The following TENM2 variants were observed in gnomAD, a reference collection of about 807,000 sequenced individuals.
TENM2 encodes teneurin-2.
In TENM2, 52 loss-of-function variants were observed where a neutral mutation model predicts 245.2. The ratio of observed to expected loss-of-function variants is 0.21; its 90% CI spans 0.17 to 0.27. The LOEUF (loss-of-function observed/expected upper bound fraction) is 0.27, where lower values mean the gene tolerates loss of function less well. TENM2 is among the 10% of genes least tolerant of loss of function. TENM2 has a pLI of 1.00. For missense variants in TENM2, 3,046 were observed against 3,666.8 expected (o/e 0.83, Z 4.37); for synonymous variants, 1,363 against 1,438.9 (o/e 0.95, Z 1.19).
At chr5:167,045,436 C>T in the TENM2 span, among the ~76,000 whole-genome samples, 1 of 152,078 alleles carries the variant, frequency 6.6e-6, no homozygotes, top group African/African-American at 2.4e-5. Context: ...GCTGAAGGGC[C>T]CTTCCATTCC....
At chr5:167,033,273 A>G in the TENM2 span, among the ~76,000 whole-genome samples, 2 of 152,226 alleles carry the variant, frequency 1.3e-5, no homozygotes, top group Non-Finnish European at 2.9e-5. Context: ...TCACTTCGTA[A>G]AACAATGCGA....
chr5:167,421,155 A>C (rs1164948428), intron 2 of TENM2, among the ~76,000 whole-genome samples: 1 of 152,212 alleles, frequency 6.6e-6, no homozygotes, highest in Non-Finnish European at 1.5e-5. Flanking sequence ...TAATTAACTA[A>C]CCTCATATGG....
intron 13 of TENM2, chr5:168,186,845 A>C (rs1760488022): frequency 6.6e-6 from 1 of 152,208 alleles, no homozygotes; most frequent in African/African-American, 2.4e-5. Flanking sequence ...CAAGATTGTC[A>C]GTGACAGGGT....
intron 2 of TENM2, among the ~76,000 whole-genome samples, chr5:167,383,848 C>T (rs1761253588): frequency 6.6e-6 from 1 of 151,024 alleles, no homozygotes; most frequent in Non-Finnish European, 1.5e-5. Context: ...TATGTATATA[C>T]ACACATACAC....
intron 1 of TENM2, among the ~76,000 whole-genome samples, chr5:167,358,462 CT>C (rs1363978756): frequency 1.8e-4 from 6 of 33,582 alleles, no homozygotes; most frequent in Admixed American, 5.1e-4. Context: ...CAGGTCACTC[CT>C]TTCTTCTTTT....
chr5:167,672,820 A>C (rs1756047422), intron 2 of TENM2, among the ~76,000 whole-genome samples: 1 of 151,968 alleles, frequency 6.6e-6, no homozygotes, highest in South Asian at 2.1e-4. Flanking sequence ...TGGTGTGACA[A>C]ATCATTCCAA....
At chr5:168,241,899 T>G (rs556028966) in intron 25 of TENM2, among the ~76,000 whole-genome samples, 1 of 152,314 alleles carries the variant, frequency 6.6e-6, no homozygotes, top group East Asian at 1.9e-4. Flanking sequence ...ATTATTTTCC[T>G]ATGATCTGAA....
chr5:168,221,796 C>T (rs1223841855), intron 23 of TENM2, among the ~76,000 whole-genome samples: 1 of 152,138 alleles, frequency 6.6e-6, no homozygotes, highest in Non-Finnish European at 1.5e-5. Flanking sequence ...CCCCAAAAGG[C>T]AGCATCTTAT....
chr5:167,467,223 A>G (rs1236606011), intron 2 of TENM2, among the ~76,000 whole-genome samples: 2 of 152,072 alleles, frequency 1.3e-5, no homozygotes, highest in Non-Finnish European at 2.9e-5. Context: ...AGTTCTCACA[A>G]GATCTGATGG....
chr5:168,096,851 A>G (rs993675180), intron 8 of TENM2, among the ~76,000 whole-genome samples: 1 of 138,030 alleles, frequency 7.2e-6, no homozygotes, highest in Non-Finnish European at 1.6e-5. Context: ...TTGTTTTAAG[A>G]CAAAAATTAG....
At chr5:167,080,496 C>T in the TENM2 span, among the ~76,000 whole-genome samples, 1 of 152,150 alleles carries the variant, frequency 6.6e-6, no homozygotes, top group Admixed American at 6.6e-5. Context: ...ATTTCTTCCA[C>T]TCCTTCACCT....
At chr5:167,233,780 A>G in the TENM2 span, among the ~76,000 whole-genome samples, 1 of 152,206 alleles carries the variant, frequency 6.6e-6, no homozygotes, top group South Asian at 2.1e-4. Flanking sequence ...ATCTAGAATC[A>G]GTGAGTATAA....
the TENM2 span, among the ~76,000 whole-genome samples, chr5:167,074,680 T>C: frequency 6.6e-6 from 1 of 152,246 alleles, no homozygotes; most frequent in Non-Finnish European, 1.5e-5. Flanking sequence ...TCTACCTGTC[T>C]ACCACGGCTA....
intron 2 of TENM2, among the ~76,000 whole-genome samples, chr5:167,593,486 C>G (rs759486142): frequency 7.2e-5 from 11 of 152,186 alleles, no homozygotes; most frequent in Non-Finnish European, 4.4e-5. Context: ...TGAACTGCAT[C>G]TGGAGAATTT....
chr5:167,960,020 C>T (rs927762876), intron 4 of TENM2, among the ~76,000 whole-genome samples: 4 of 152,238 alleles, frequency 2.6e-5, no homozygotes, highest in Admixed American at 6.5e-5. Flanking sequence ...GTATCACCAG[C>T]GGAGGCTGCA....
chr5:167,138,950 GGAAA>G, the TENM2 span, among the ~76,000 whole-genome samples: 2 of 152,112 alleles, frequency 1.3e-5, no homozygotes, highest in Non-Finnish European at 2.9e-5. Context: ...ATGGTTTCTG[GGAAA>G]GACAGATGAG....
intron 13 of TENM2, among the ~76,000 whole-genome samples, chr5:168,173,056 C>G (rs1581531796): frequency 6.6e-6 from 1 of 152,176 alleles, no homozygotes; most frequent in Non-Finnish European, 1.5e-5. Flanking sequence ...CTCTGCCTGT[C>G]CTCAGGGTAT....
At chr5:167,011,881 G>C in the TENM2 span, among the ~76,000 whole-genome samples, 1 of 152,294 alleles carries the variant, frequency 6.6e-6, no homozygotes, top group African/African-American at 2.4e-5. Flanking sequence ...TGGAGATCAA[G>C]GTTATTGACT....
chr5:167,697,831 T>A (rs2150426532), intron 2 of TENM2, among the ~76,000 whole-genome samples: 1 of 152,288 alleles, frequency 6.6e-6, no homozygotes, highest in South Asian at 2.1e-4. Flanking sequence ...AGCCAAGAGT[T>A]ATCAATTTTA....
Sources: gnomAD v4.1 joint callset for allele counts (sites outside exome capture counted in the v4.1 genomes callset) on GRCh38, gnomAD v4.1.1 for gene constraint, MANE v1.5 for transcripts, NCBI Gene and HGNC (gene_info 2026-07-23, HGNC 2026-07-21) for gene names.